SHANK2: variants seen among roughly 807,000 people sequenced by gnomAD.
SHANK2 encodes the protein SH3 and multiple ankyrin repeat domains 2.
SHANK2 carries 43 observed loss-of-function variants against 133.7 expected under a neutral mutation model. The observed-to-expected ratio is 0.32, with a 90% CI of 0.25 to 0.41. The LOEUF is 0.41. Ranked by LOEUF, SHANK2 falls within the 10% of genes least tolerant of loss-of-function variation. The pLI, the probability that SHANK2 is intolerant of heterozygous loss-of-function variation, is 1.00. For synonymous variants in SHANK2, 1,017 were observed against 952.8 expected (o/e 1.07, Z -1.24); for missense variants, 1,994 against 2,235.8 (o/e 0.89, Z 2.18).
intron 14 of SHANK2, among the ~76,000 whole-genome samples, chr11:70,768,320 G>C (rs1292312015): frequency 6.6e-6 from 1 of 152,232 alleles, no homozygotes; most frequent in African/African-American, 2.4e-5. Context: ...CGTGGACAGG[G>C]AGGATAAAGT....
chr11:70,604,003 T>A (rs1332316703), intron 17 of SHANK2: 1 of 152,376 alleles, frequency 6.6e-6, no homozygotes, highest in African/African-American at 2.4e-5. Flanking sequence ...GAGGGGCCCA[T>A]GAAATGTTAG....
At chr11:71,110,798 C>T (rs1565457110) in intron 5 of SHANK2, among the ~76,000 whole-genome samples, 1 of 152,182 alleles carries the variant, frequency 6.6e-6, no homozygotes, top group African/African-American at 2.4e-5. Flanking sequence ...CCTCACCGTT[C>T]GCCATCCTAG....
At chr11:70,946,743 C>A (rs1244728315) in intron 10 of SHANK2, among the ~76,000 whole-genome samples, 2 of 149,484 alleles carry the variant, frequency 1.3e-5, no homozygotes, top group Non-Finnish European at 3.0e-5. Flanking sequence ...CTAGGCTCAA[C>A]CTCCCTCTCC....
intron 3 of SHANK2, among the ~76,000 whole-genome samples, chr11:71,144,050 A>C (rs1461013841): frequency 1.3e-5 from 2 of 152,164 alleles, no homozygotes; most frequent in Non-Finnish European, 2.9e-5. Flanking sequence ...CTGGCAAATG[A>C]AAAGGGCATT....
chr11:70,652,857 A>T (rs2061352852), intron 17 of SHANK2, among the ~76,000 whole-genome samples: 1 of 152,170 alleles, frequency 6.6e-6, no homozygotes, highest in African/African-American at 2.4e-5. Flanking sequence ...AGCGCCTCTG[A>T]CCAGCAGTCC....
At chr11:71,236,547 G>A (rs1954828000) in intron 1 of SHANK2, among the ~76,000 whole-genome samples, 2 of 152,224 alleles carry the variant, frequency 1.3e-5, no homozygotes, top group African/African-American at 2.4e-5. Context: ...GGGAGGTGGA[G>A]GTTGCAGTGA....
At chr11:71,247,104 A>G (rs926881957) in intron 1 of SHANK2, among the ~76,000 whole-genome samples, 3 of 152,232 alleles carry the variant, frequency 2.0e-5, no homozygotes, top group Non-Finnish European at 4.4e-5. Context: ...CTATTACATT[A>G]GGATAAAATT....
At chr11:70,781,346 T>C (rs919097829) in intron 14 of SHANK2, among the ~76,000 whole-genome samples, 84 of 151,022 alleles carry the variant, frequency 5.6e-4, no homozygotes, top group African/African-American at 2.0e-3. Context: ...TCAGGATTAT[T>C]GTCAGGACCC....
At chr11:71,185,484 C>T (rs1953651586) in intron 2 of SHANK2, among the ~76,000 whole-genome samples, 2 of 152,306 alleles carry the variant, frequency 1.3e-5, no homozygotes, top group Middle Eastern at 3.4e-3. Context: ...ACTGTGAAAA[C>T]TCAAGGTTCC....
intron 6 of SHANK2, among the ~76,000 whole-genome samples, chr11:71,108,943 C>A (rs1018372376): frequency 3.3e-5 from 5 of 152,218 alleles, no homozygotes; most frequent in African/African-American, 4.8e-5. Flanking sequence ...GCGGGCCCCC[C>A]CCCAGCGTTC....
chr11:70,881,823 C>T (rs1459924098), intron 11 of SHANK2, among the ~76,000 whole-genome samples: 2 of 151,782 alleles, frequency 1.3e-5, no homozygotes, highest in Admixed American at 6.6e-5. Flanking sequence ...ACTGCAGCCT[C>T]AAACTCCCAG....
intron 10 of SHANK2, chr11:70,950,989 C>T (rs868979648): frequency 8.7e-5 from 15 of 172,230 alleles, no homozygotes; most frequent in Non-Finnish European, 1.6e-4. Context: ...TTTGAAGGCA[C>T]ATTAAGACTA....
chr11:70,766,676 G>C (rs568835572), intron 14 of SHANK2, among the ~76,000 whole-genome samples: 2 of 152,276 alleles, frequency 1.3e-5, no homozygotes, highest in South Asian at 4.1e-4. Flanking sequence ...GACGGGGCCG[G>C]AATGCTCCTT....
intron 14 of SHANK2, among the ~76,000 whole-genome samples, chr11:70,767,749 T>C (rs1356364766): frequency 1.3e-5 from 2 of 151,468 alleles, no homozygotes; most frequent in Non-Finnish European, 1.5e-5. Flanking sequence ...TTTGGGGTGA[T>C]GGAAATGTCC....
chr11:70,737,659 T>C (rs909575758), intron 14 of SHANK2, among the ~76,000 whole-genome samples: 2 of 152,254 alleles, frequency 1.3e-5, no homozygotes, highest in Admixed American at 1.3e-4. Flanking sequence ...CAGGCCCCAG[T>C]GGGCAGCCAG....
intron 10 of SHANK2, among the ~76,000 whole-genome samples, chr11:70,955,151 C>A (rs573029337): frequency 1.5e-4 from 23 of 152,330 alleles, no homozygotes; most frequent in Non-Finnish European, 3.2e-4. Flanking sequence ...TCTCTCATTG[C>A]CACTGCCTTT....
intron 17 of SHANK2, among the ~76,000 whole-genome samples, chr11:70,639,954 G>C (rs926058339): frequency 2.6e-5 from 4 of 152,214 alleles, no homozygotes; most frequent in Non-Finnish European, 5.9e-5. Flanking sequence ...GGAGGAGGGG[G>C]CAGGTCTTCA....
At chr11:71,158,150 A>G (rs1952938618) in intron 2 of SHANK2, among the ~76,000 whole-genome samples, 1 of 152,334 alleles carries the variant, frequency 6.6e-6, no homozygotes, top group East Asian at 1.9e-4. Context: ...TTGTTTATGG[A>G]CTAAAAGCAG....
intron 14 of SHANK2, among the ~76,000 whole-genome samples, chr11:70,773,507 G>A (rs113568098): frequency 0.017 from 2,657 of 152,298 alleles, 41 homozygotes; most frequent in Non-Finnish European, 0.023. Context: ...GCTTAATGTT[G>A]CTGAATATAC....
Sources: allele counts gnomAD v4.1 joint callset (sites outside exome capture counted in the v4.1 genomes callset), GRCh38; gene constraint gnomAD v4.1.1; transcripts MANE v1.5; gene names NCBI Gene and HGNC (gene_info 2026-07-23, HGNC 2026-07-21).